ATXN7L1: variants seen among roughly 807,000 people sequenced by gnomAD.
ATXN7L1 encodes the protein ataxin 7 like 1.
A neutral mutation model predicts 70.8 loss-of-function variants in ATXN7L1; 15 were observed. The ratio of observed to expected loss-of-function variants is 0.21; its 90% CI spans 0.14 to 0.33. The LOEUF (loss-of-function observed/expected upper bound fraction) is 0.33, where lower values mean the gene tolerates loss of function less well. Among genes scored for constraint, ATXN7L1 ranks in the 10% least tolerant of loss-of-function variants. The pLI is 1.00. For synonymous variants in ATXN7L1, 440 were observed against 445.1 expected (o/e 0.99, Z 0.14); for missense variants, 975 against 1,097.1 (o/e 0.89, Z 1.57).
intron 2 of ATXN7L1, among the ~76,000 whole-genome samples, chr7:105,831,926 GA>G (rs1205607222): frequency 2.0e-5 from 3 of 152,172 alleles, no homozygotes; most frequent in Non-Finnish European, 4.4e-5. Context: ...AAAGACTGAA[GA>G]AATCAGAGTT....
chr7:105,871,772 T>C (rs77249716), intron 2 of ATXN7L1, among the ~76,000 whole-genome samples: 5,364 of 151,404 alleles, frequency 0.035, 310 homozygotes, highest in African/African-American at 0.12. Context: ...TTAGATGAAA[T>C]AATAACAATG....
At chr7:105,850,618 C>T (rs780510310) in intron 2 of ATXN7L1, among the ~76,000 whole-genome samples, 17 of 152,254 alleles carry the variant, frequency 1.1e-4, no homozygotes, top group Non-Finnish European at 2.1e-4. Context: ...GCACTGATCC[C>T]TGTGCCTCCT....
chr7:105,623,261 A>T (rs1213453082), intron 8 of ATXN7L1, among the ~76,000 whole-genome samples: 1 of 152,184 alleles, frequency 6.6e-6, no homozygotes, highest in Non-Finnish European at 1.5e-5. Context: ...CTAGAGACAG[A>T]GCTGATCCTG....
At chr7:105,724,313 C>T (rs377738887) in intron 3 of ATXN7L1, among the ~76,000 whole-genome samples, 2 of 152,264 alleles carry the variant, frequency 1.3e-5, no homozygotes. Flanking sequence ...GTGGTTCACA[C>T]CTGTAATCCT....
At chr7:105,654,646 T>C (rs1415730367) in intron 4 of ATXN7L1, among the ~76,000 whole-genome samples, 1 of 152,212 alleles carries the variant, frequency 6.6e-6, no homozygotes, top group Non-Finnish European at 1.5e-5. Flanking sequence ...TCAAATAGGA[T>C]TGGGCTATCA....
chr7:105,772,906 C>T (rs1056573724), intron 3 of ATXN7L1, among the ~76,000 whole-genome samples: 1 of 152,168 alleles, frequency 6.6e-6, no homozygotes, highest in Non-Finnish European at 1.5e-5. Context: ...TTTTCAATCA[C>T]GTGAGACATT....
chr7:105,700,729 C>T (rs1792344498), intron 3 of ATXN7L1, among the ~76,000 whole-genome samples: 1 of 152,008 alleles, frequency 6.6e-6, no homozygotes, highest in South Asian at 2.1e-4. Context: ...ATCACCCAGG[C>T]TGCAGTGTAG....
At chr7:105,693,589 T>G (rs1791320810) in intron 3 of ATXN7L1, among the ~76,000 whole-genome samples, 1 of 151,378 alleles carries the variant, frequency 6.6e-6, no homozygotes, top group African/African-American at 2.4e-5. Flanking sequence ...CCATCTAATT[T>G]GAAGAATAAA....
At chr7:105,749,414 A>G (rs76394860) in intron 3 of ATXN7L1, among the ~76,000 whole-genome samples, 1,969 of 151,962 alleles carry the variant, frequency 0.013, 59 homozygotes, top group African/African-American at 0.045. Flanking sequence ...CTTTATTTTG[A>G]AAGCTCAAGA....
intron 3 of ATXN7L1, among the ~76,000 whole-genome samples, chr7:105,722,233 G>C (rs1795265202): frequency 6.6e-6 from 1 of 152,162 alleles, no homozygotes; most frequent in Admixed American, 6.5e-5. Context: ...GTGCGTGCCT[G>C]TGTGTGCCCT....
intron 7 of ATXN7L1, among the ~76,000 whole-genome samples, chr7:105,631,753 C>G (rs1056049753): frequency 1.3e-5 from 2 of 152,232 alleles, no homozygotes; most frequent in African/African-American, 4.8e-5. Flanking sequence ...AGGCATGAGC[C>G]ATTGCACCTG....
At chr7:105,717,276 C>A (rs474792) in intron 3 of ATXN7L1, among the ~76,000 whole-genome samples, 8 of 151,854 alleles carry the variant, frequency 5.3e-5, no homozygotes, top group African/African-American at 1.9e-4. Flanking sequence ...TATAGGTGGA[C>A]GCCACCACGC....
chr7:105,704,418 C>T (rs1792864796), intron 3 of ATXN7L1, among the ~76,000 whole-genome samples: 1 of 152,132 alleles, frequency 6.6e-6, no homozygotes, highest in Admixed American at 6.5e-5. Flanking sequence ...AGATCACAAC[C>T]TGTTCTTTGC....
chr7:105,733,673 TCCATCCAC>T (rs1796959522), intron 3 of ATXN7L1, among the ~76,000 whole-genome samples: 2 of 110,808 alleles, frequency 1.8e-5, no homozygotes, highest in Non-Finnish European at 1.9e-5. Flanking sequence ...CATCCATCCA[TCCATCCAC>T]CCATCCACCC....
intron 3 of ATXN7L1, among the ~76,000 whole-genome samples, chr7:105,748,091 C>T (rs1286342221): frequency 1.3e-4 from 19 of 146,284 alleles, no homozygotes; most frequent in Admixed American, 1.2e-3. Flanking sequence ...GCACTCCAGC[C>T]TGGGTAACGA....
chr7:105,768,322 A>T (rs898274251), intron 3 of ATXN7L1, among the ~76,000 whole-genome samples: 4 of 152,208 alleles, frequency 2.6e-5, no homozygotes, highest in African/African-American at 9.7e-5. Context: ...GGTCATAGCA[A>T]GGTTGCAAGG....
chr7:105,705,963 AC>A (rs1191004810), intron 3 of ATXN7L1, among the ~76,000 whole-genome samples: 1 of 152,170 alleles, frequency 6.6e-6, no homozygotes, highest in Non-Finnish European at 1.5e-5. Context: ...CAAGTCAGGA[AC>A]TTTTTCTTAG....
chr7:105,825,868 G>C (rs531034482), intron 2 of ATXN7L1, among the ~76,000 whole-genome samples: 1 of 152,228 alleles, frequency 6.6e-6, no homozygotes, highest in Admixed American at 6.5e-5. Flanking sequence ...GATAGATTCA[G>C]ATACTTGATA....
At chr7:105,667,465 C>T (rs12538035) in intron 3 of ATXN7L1, among the ~76,000 whole-genome samples, 69,181 of 118,850 alleles carry the variant, frequency 0.58, 23,591 homozygotes, top group Admixed American at 0.74. Flanking sequence ...TTTGGGAGGC[C>T]GAGGCGGGCG....
Sources: allele counts gnomAD v4.1 joint callset (sites outside exome capture counted in the v4.1 genomes callset), GRCh38; gene constraint gnomAD v4.1.1; transcripts MANE v1.5; gene names NCBI Gene and HGNC (gene_info 2026-07-23, HGNC 2026-07-21).